Variants in OXR1 observed in about 807,000 individuals in gnomAD.
The protein encoded by OXR1 is oxidation resistance 1, also known as oxidation resistance protein 1.
OXR1 carries 41 observed loss-of-function variants against 104.6 expected under a neutral mutation model. The observed-to-expected ratio is 0.39, with a 90% CI of 0.31 to 0.51. The LOEUF is 0.51. OXR1 is among the 20% of genes least tolerant of loss of function. The pLI, the probability that OXR1 is intolerant of heterozygous loss-of-function variation, is 0.77. For synonymous variants in OXR1, 348 were observed against 348.4 expected (o/e 1.00, Z 0.01); for missense variants, 955 against 1,031.9 (o/e 0.93, Z 1.02).
chr8:106,404,322 C>A (rs1369330950), intron 2 of OXR1, among the ~76,000 whole-genome samples: 2 of 152,128 alleles, frequency 1.3e-5, no homozygotes, highest in Non-Finnish European at 2.9e-5. Context: ...TCCCCAACTT[C>A]ATCAGAGTTT....
intron 2 of OXR1, among the ~76,000 whole-genome samples, chr8:106,472,452 A>G (rs983194468): frequency 1.3e-5 from 2 of 151,806 alleles, no homozygotes; most frequent in Admixed American, 6.6e-5. Flanking sequence ...GAAATATATG[A>G]CATAATCCTT....
intron 2 of OXR1, among the ~76,000 whole-genome samples, chr8:106,428,714 T>C (rs1353208107): frequency 4.6e-5 from 7 of 151,992 alleles, no homozygotes; most frequent in Non-Finnish European, 2.9e-5. Context: ...CTTTGATATA[T>C]TGGAGTGATG....
At chr8:106,499,168 C>CAAAAA (rs71307063) in intron 2 of OXR1, among the ~76,000 whole-genome samples, 1 of 7,694 alleles carries the variant, frequency 1.3e-4, no homozygotes, top group African/African-American at 7.9e-4. Context: ...GACTCCGTCT[C>CAAAAA]AAAAAAAAAA....
chr8:106,748,154 C>T (rs879411135), intron 16 of OXR1, among the ~76,000 whole-genome samples: 3 of 152,112 alleles, frequency 2.0e-5, no homozygotes, highest in Non-Finnish European at 4.4e-5. Flanking sequence ...AATTCAAATG[C>T]GTTTCTAATT....
At chr8:106,553,124 C>G (rs890243077) in intron 3 of OXR1, among the ~76,000 whole-genome samples, 1 of 151,950 alleles carries the variant, frequency 6.6e-6, no homozygotes, top group African/African-American at 2.4e-5. Context: ...TTAATGGGTG[C>G]AGCACACCAG....
intron 12 of OXR1, 106 bp from the exon 13 acceptor site, chr8:106,739,352 A>G: frequency 1.0e-6 from 1 of 985,736 alleles, no homozygotes; most frequent in Non-Finnish European, 1.5e-6. Context: ...TTAAAGATTT[A>G]GCCACATTTT....
At chr8:106,531,309 T>C (rs982221938) in intron 3 of OXR1, among the ~76,000 whole-genome samples, 1 of 152,184 alleles carries the variant, frequency 6.6e-6, no homozygotes, top group Non-Finnish European at 1.5e-5. Context: ...TTATAAACCC[T>C]CTTAGTATGA....
chr8:106,470,017 T>C (rs754584960), intron 2 of OXR1, among the ~76,000 whole-genome samples: 2 of 151,760 alleles, frequency 1.3e-5, no homozygotes, highest in Non-Finnish European at 2.9e-5. Context: ...GGTAGGAATA[T>C]ACTTGATCAG....
intron 3 of OXR1, among the ~76,000 whole-genome samples, chr8:106,525,422 C>G (rs1417246934): frequency 1.3e-5 from 2 of 152,204 alleles, no homozygotes; most frequent in African/African-American, 2.4e-5. Context: ...AACACCACAA[C>G]GTGCTATCTG....
chr8:106,694,502 T>A (rs1158940039), intron 7 of OXR1, among the ~76,000 whole-genome samples: 1 of 134,876 alleles, frequency 7.4e-6, no homozygotes, highest in Non-Finnish European at 1.6e-5. Context: ...ATAAATATGT[T>A]TTTATATATA....
chr8:106,671,471 A>G (rs966550287), intron 3 of OXR1, among the ~76,000 whole-genome samples: 1 of 152,154 alleles, frequency 6.6e-6, no homozygotes, highest in African/African-American at 2.4e-5. Flanking sequence ...ACATCCTTGC[A>G]TTGTCTGGGA....
chr8:106,297,520 C>T (rs73303169), intron 1 of OXR1, among the ~76,000 whole-genome samples: 33,437 of 151,932 alleles, frequency 0.22, 5,459 homozygotes, highest in African/African-American at 0.46. Flanking sequence ...CTGTACAGTA[C>T]GTTATTGTAC....
Position 106,742,302 on chromosome 8 carries a change from C to T in OXR1, c.2397C>T (p.Phe799=). ...CTGGAGAGACCTTTGTTTTTACATT[C>T]TGTCCGGAGTTTGAGGTAAGAACCA... ...YGTGETFVFT[F]CPEFEVFKWT... is the part of the protein sequence containing the mutation. The change falls in exon 15 of 17, where the codon TTC becomes TTT. Residue 799 remains phenylalanine (F), a synonymous_variant. Coordinates refer to ENST00000517566, the MANE Select transcript of OXR1 (RefSeq NM_001198533.2). The T allele has an allele frequency of 6.2e-7, 1 of 1,604,156 alleles. No individual in the cohort carries two copies. Among genetic ancestry groups the T allele is most frequent in the South Asian group, 1.1e-5 (1 of 90,578 alleles).
At chr8:106,509,855 C>G (rs1341028556) in intron 2 of OXR1, among the ~76,000 whole-genome samples, 5 of 152,192 alleles carry the variant, frequency 3.3e-5, no homozygotes, top group African/African-American at 4.8e-5. Flanking sequence ...CACTGAGCCT[C>G]TGCCTCCTGG....
chr8:106,423,828 C>G (rs1025117464), intron 2 of OXR1, among the ~76,000 whole-genome samples: 2 of 152,186 alleles, frequency 1.3e-5, no homozygotes, highest in African/African-American at 4.8e-5. Context: ...AATATAATCC[C>G]ATCATATCAC....
chr8:106,601,876 A>G (rs184729372), intron 3 of OXR1, among the ~76,000 whole-genome samples: 9 of 152,346 alleles, frequency 5.9e-5, no homozygotes, highest in Admixed American at 2.6e-4. Flanking sequence ...TGACCTAGTC[A>G]AGGGAGCCCT....
At chr8:106,488,469 T>C (rs1810846250) in intron 2 of OXR1, among the ~76,000 whole-genome samples, 1 of 151,912 alleles carries the variant, frequency 6.6e-6, no homozygotes, top group Non-Finnish European at 1.5e-5. Context: ...TGCCATTGCT[T>C]TTGGTGTTTT....
chr8:106,743,426 A>G (rs1433607401), intron 15 of OXR1, among the ~76,000 whole-genome samples: 2 of 152,140 alleles, frequency 1.3e-5, no homozygotes, highest in Admixed American at 6.5e-5. Context: ...GGTTCAAGCA[A>G]TTCTCCTGCC....
chr8:106,324,800 C>T lies in OXR1; in HGVS notation c.-138-34676C>T, dbSNP rs114439543. ...GGGCAAACTTTTTTCTGCAAAGGGT[C>T]AGGTAATAAATATTTTAGGCTTTTG... On this transcript the variant is annotated intron_variant, in intron 1 of 16. Coordinates refer to ENST00000517566, the MANE Select transcript of OXR1 (RefSeq NM_001198533.2). Among the ~76,000 whole-genome samples the T allele has an allele frequency of 1.4e-3, 214 of 152,136 alleles. 2 individuals carry two copies. The highest frequency in any genetic ancestry group is 4.7e-3 in the African/African-American group (197 of 41,502).
Sources: allele counts gnomAD v4.1 joint callset (sites outside exome capture counted in the v4.1 genomes callset), GRCh38; gene constraint gnomAD v4.1.1; transcripts MANE v1.5; gene names NCBI Gene and HGNC (gene_info 2026-07-23, HGNC 2026-07-21).